CDK15: variants seen among roughly 807,000 people sequenced by gnomAD.
CDK15 encodes cyclin dependent kinase 15.
Under a neutral mutation model 60.3 loss-of-function variants are expected in CDK15, and 62 were observed. The ratio of observed to expected loss-of-function variants is 1.03; its 90% CI spans 0.84 to 1.27. The LOEUF is 1.27. Among genes scored for constraint, CDK15 ranks in the 50% most tolerant of loss-of-function variants. The pLI is 0.00. For missense variants in CDK15, 541 were observed against 527.8 expected, an observed-to-expected ratio of 1.03 and a Z score of -0.25; for synonymous variants, 194 against 195.7, an observed-to-expected ratio of 0.99 and a Z score of 0.07.
intron 12 of CDK15, among the ~76,000 whole-genome samples, chr2:201,890,545 AC>A (rs1387086836): frequency 7.2e-5 from 11 of 152,220 alleles, no homozygotes; most frequent in African/African-American, 2.7e-4. Context: ...CAAGTAGCAT[AC>A]TGCCTTGCAC....
At chr2:201,869,312 A>G (rs1198495045) in intron 10 of CDK15, among the ~76,000 whole-genome samples, 1 of 140,200 alleles carries the variant, frequency 7.1e-6, no homozygotes. Context: ...TCTCACTCAC[A>G]GGGGGGAATT....
At chr2:201,833,751 T>A in intron 6 of CDK15, 97 bp from the exon 7 acceptor site, 1 of 1,146,954 alleles carries the variant, frequency 8.7e-7, no homozygotes. Flanking sequence ...CAAGAGACAC[T>A]TTTACTATAT....
chr2:201,835,263 T>C (rs917443974), intron 7 of CDK15, among the ~76,000 whole-genome samples: 7 of 152,080 alleles, frequency 4.6e-5, no homozygotes, highest in Non-Finnish European at 8.8e-5. Context: ...CCATCCCCAA[T>C]TGTATGTTTC....
At chr2:201,836,073 T>TTTATATATA (rs1697039304) in intron 8 of CDK15, among the ~76,000 whole-genome samples, 2 of 106,684 alleles carry the variant, frequency 1.9e-5, no homozygotes, top group African/African-American at 3.9e-5. Context: ...TATATTTATA[T>TTTATATATA]TTATATATAT....
intron 8 of CDK15, among the ~76,000 whole-genome samples, chr2:201,847,092 C>T (rs1254500849): frequency 6.6e-6 from 1 of 152,162 alleles, no homozygotes; most frequent in Non-Finnish European, 1.5e-5. Flanking sequence ...GGATACAGTA[C>T]TTTCCCCTCT....
rs1699705040 is a variant in CDK15, at chr2:201,893,806, G to T, written c.*539G>T. 6.6e-6 allele frequency: 1 copy of T among 152,084 alleles called. No individual in the cohort carries two copies. Among genetic ancestry groups the T allele is most frequent in the Non-Finnish European group, 1.5e-5 (1 of 68,016 alleles). 9.4% of individuals were successfully genotyped at this position (152,084 alleles called of 1,614,324 possible). On this transcript the variant is annotated 3_prime_UTR_variant, in exon 14 of 14. Transcript: ENST00000652192. Reference sequence around the variant, plus strand: ...ATTGTTAACAAAAGGACTTCCTGAGGACTATTTATTATTATTTTGTAGGGG... The same window carrying T: ...ATTGTTAACAAAAGGACTTCCTGAGTACTATTTATTATTATTTTGTAGGGG...
At chr2:201,851,969 T>G (rs567755246) in intron 9 of CDK15, among the ~76,000 whole-genome samples, 18 of 152,176 alleles carry the variant, frequency 1.2e-4, no homozygotes, top group Non-Finnish European at 1.9e-4. Context: ...CTTTGCCCAC[T>G]GTTTAATGGG....
At chr2:201,810,051 C>CA (rs113542168) in intron 3 of CDK15, among the ~76,000 whole-genome samples, 1,458 of 119,526 alleles carry the variant, frequency 0.012, 19 homozygotes, top group African/African-American at 0.039. Flanking sequence ...GACACTGTCT[C>CA]AAAAAAAAAA....
intron 9 of CDK15, among the ~76,000 whole-genome samples, chr2:201,849,927 C>T (rs1574899662): frequency 6.6e-6 from 1 of 152,086 alleles, no homozygotes; most frequent in Admixed American, 6.6e-5. Context: ...CCAGTTCAAG[C>T]GATTCTCCTG....
intron 10 of CDK15, among the ~76,000 whole-genome samples, chr2:201,871,495 G>A (rs889197759): frequency 6.6e-5 from 10 of 151,228 alleles, no homozygotes; most frequent in African/African-American, 2.2e-4. Flanking sequence ...CTTTAAGACT[G>A]CCTCATTATT....
At chr2:201,890,141 T>C (rs1052609391) in intron 12 of CDK15, among the ~76,000 whole-genome samples, 1 of 152,082 alleles carries the variant, frequency 6.6e-6, no homozygotes, top group Non-Finnish European at 1.5e-5. Context: ...GTGATGCTCA[T>C]TGCCTATCAC....
Position 201,847,456 on chromosome 2 carries a change from G to C in CDK15, c.927G>C (p.Gln309His), listed in dbSNP as rs1334212514. Residue 309 changes from glutamine to histidine, a missense_variant, in exon 9 of 14, where the codon CAG (glutamine) becomes CAC (histidine). Transcript: ENST00000652192. ...LFPGVSNILE[Q>H]LEKIWEVLGV... is the part of the protein sequence containing the mutation. ...CTGGGGTTTCCAACATCCTTGAACA[G>C]CTGGAGAAAATCTGGGAGGTAGGAG... The C allele has an allele frequency of 5.0e-6, 8 of 1,613,866 alleles. No individual in the cohort carries two copies. Among genetic ancestry groups the C allele is most frequent in the Non-Finnish European group, 5.1e-6 (6 of 1,179,936 alleles).
intron 11 of CDK15, among the ~76,000 whole-genome samples, chr2:201,874,053 CAAAAAAAAAA>C (rs61612545): frequency 2.6e-5 from 3 of 114,008 alleles, no homozygotes; most frequent in Middle Eastern, 3.8e-3. Flanking sequence ...GACTCCGTCT[CAAAAAAAAAA>C]AAAAAAAAAA....
At chr2:201,843,410 C>T (rs1053238857) in intron 8 of CDK15, among the ~76,000 whole-genome samples, 1 of 152,106 alleles carries the variant, frequency 6.6e-6, no homozygotes, top group Non-Finnish European at 1.5e-5. Context: ...TGGTCTCGAA[C>T]TGACCTCATG....
chr2:201,835,807 G>C, intron 8 of CDK15, 44 bp downstream of exon 8: 1 of 1,406,828 alleles, frequency 7.1e-7, no homozygotes, highest in South Asian at 1.9e-5. Flanking sequence ...TACTCACGAG[G>C]GTTGCTTTAT....
In CDK15 at chr2:201,847,292, A is replaced by C. The variant is rs1046038304; in HGVS notation, c.852-89A>C. 13 of 1,311,742 alleles carry C rather than the reference A, an allele frequency of 9.9e-6. No individual in the cohort carries two copies. The African/African-American group carries it at 1.9e-4, about 19-fold the overall frequency. The allele number at this position is 1,311,742 out of a possible 1,614,324, so 81.3% of individuals were successfully genotyped here. ...TGGTCCGTATTTAACTCTCCCTAAA[A>C]TATTTCTTGGGAAGAGAAATTCTAG... On this transcript the variant is annotated intron_variant, in intron 8 of 13. Transcript: ENST00000652192.
chr2:201,850,254 A>C (rs1697850544), intron 9 of CDK15, among the ~76,000 whole-genome samples: 1 of 152,152 alleles, frequency 6.6e-6, no homozygotes, highest in Non-Finnish European at 1.5e-5. Context: ...TGAGACCCCC[A>C]TCTCTAATAA....
At position 201,826,265 on chromosome 2, in the gene CDK15, C is replaced by G. The variant is rs929529540; in HGVS notation, c.606+2538C>G. Reference sequence around the variant, plus strand: ...CACAAGGTCAGGAGATCAAGACCATCCTGGTTAACACGGTGAAACCCCGTC... The same window carrying G: ...CACAAGGTCAGGAGATCAAGACCATGCTGGTTAACACGGTGAAACCCCGTC... On this transcript the variant is annotated intron_variant, in intron 6 of 13. Transcript: ENST00000652192. Among the ~76,000 whole-genome samples, 15 of 152,126 alleles carry G rather than the reference C, an allele frequency of 9.9e-5. No homozygotes were observed. In the East Asian group the frequency reaches 2.9e-3, roughly 29 times the overall value.
chr2:201,879,473 AG>A (rs1250859521), intron 11 of CDK15, among the ~76,000 whole-genome samples: 1 of 152,166 alleles, frequency 6.6e-6, no homozygotes, highest in African/African-American at 2.4e-5. Context: ...TCTACCTCCC[AG>A]GTGCAAGTGA....
Sources: gnomAD v4.1 joint callset for allele counts (sites outside exome capture counted in the v4.1 genomes callset) on GRCh38, gnomAD v4.1.1 for gene constraint, MANE v1.5 for transcripts, NCBI Gene and HGNC (gene_info 2026-07-23, HGNC 2026-07-21) for gene names.